SMC1A: variants seen among roughly 807,000 people sequenced by gnomAD.
The protein encoded by SMC1A is structural maintenance of chromosomes protein 1A.
A neutral mutation model predicts 94.5 loss-of-function variants in SMC1A; 4 were observed. The observed-to-expected ratio is 0.04, with a 90% CI of 0.02 to 0.10. The LOEUF is 0.10. Among genes scored for constraint, SMC1A ranks in the 10% least tolerant of loss-of-function variants. The probability of loss-of-function intolerance (pLI) is 1.00; values close to 1 mark genes in which losing one functional copy is unlikely to be tolerated. For missense variants in SMC1A, 304 were observed against 989.0 expected (o/e 0.31, Z 9.29); for synonymous variants, 345 against 347.7 (o/e 0.99, Z 0.09).
intron 3 of SMC1A, among the ~76,000 whole-genome samples, chrX:53,414,031 C>T (rs1204597629): frequency 5.2e-5 from 5 of 96,964 alleles, no homozygotes; most frequent in African/African-American, 1.6e-4. Flanking sequence ...GAGCCAAGGT[C>T]GTGCCACTGC....
chrX:53,414,720 C>T (rs41306759), intron 3 of SMC1A, 38 bp downstream of exon 3: 2 of 943,200 alleles, frequency 2.1e-6, no homozygotes, highest in Non-Finnish European at 3.1e-6. Context: ...CATGGTCTGG[C>T]AAAAACCAGA....
intron 3 of SMC1A, 118 bp from the exon 4 acceptor site, chrX:53,413,553 C>T: frequency 1.9e-5 from 12 of 636,288 alleles, no homozygotes; most frequent in Non-Finnish European, 3.0e-5. Flanking sequence ...CCCCTGCTGC[C>T]ACATTTCACA....
chrX:53,387,531 T>C (rs1257853407), intron 19 of SMC1A, among the ~76,000 whole-genome samples: 1 of 112,098 alleles, frequency 8.9e-6, no homozygotes, highest in African/African-American at 3.2e-5. Flanking sequence ...AATAGCCCAA[T>C]CTATTGAAAA....
At chrX:53,399,482 T>A in intron 16 of SMC1A, 107 bp downstream of exon 16, 1 of 784,357 alleles carries the variant, frequency 1.3e-6, no homozygotes, top group Non-Finnish European at 1.9e-6. Context: ...TCTTATTGAT[T>A]TAGATGAGAA....
intron 18 of SMC1A, 85 bp from the exon 19 acceptor site, chrX:53,394,973 T>C (rs1556887812): frequency 1.7e-6 from 1 of 573,472 alleles, no homozygotes; most frequent in East Asian, 3.3e-5. Context: ...CCTTCAATCT[T>C]TGAGAAAGCA....
intron 1 of SMC1A, among the ~76,000 whole-genome samples, chrX:53,418,355 G>A (rs1326585678): frequency 3.6e-5 from 4 of 111,350 alleles, no homozygotes; most frequent in Non-Finnish European, 7.5e-5. Flanking sequence ...GGCTGGTCTC[G>A]AATTCCTGAC....
intron 19 of SMC1A, among the ~76,000 whole-genome samples, chrX:53,389,852 T>C (rs1168085622): frequency 2.2e-5 from 2 of 89,195 alleles, no homozygotes; most frequent in African/African-American, 8.3e-5. Flanking sequence ...CTTTTTTTTT[T>C]TTTTTTTTTT....
chrX:53,400,154 C>G (rs191970731), intron 15 of SMC1A, among the ~76,000 whole-genome samples: 3 of 111,900 alleles, frequency 2.7e-5, no homozygotes, highest in Admixed American at 1.9e-4. Context: ...GCATTATTAT[C>G]CTAATTTTAC....
Position 53,394,769 on chromosome X carries a change from G to T in SMC1A, c.2973+9C>A. On this transcript the variant is annotated intron_variant, in intron 19 of 24. Coordinates refer to ENST00000322213, the MANE Select transcript of SMC1A (RefSeq NM_006306.4). ...CCACCCCCACCACACCCCTGTGGTT[G>T]ATCCTCACCTTCAGATCCTCACACA... 2 of 464,291 alleles carry T rather than the reference G, an allele frequency of 4.3e-6. No homozygotes were observed. Among genetic ancestry groups the T allele is most frequent in the Non-Finnish European group, 7.0e-6 (2 of 286,412 alleles). The allele number at this position is 464,291 out of a possible 1,213,427, so 38.3% of individuals were successfully genotyped here.
chrX:53,421,956 G>C, intron 1 of SMC1A: 3 of 1,210,051 alleles, frequency 2.5e-6, no homozygotes, highest in Non-Finnish European at 3.4e-6. Flanking sequence ...CTGGAGCGCT[G>C]GGTCTGAAAT....
chrX:53,383,035 C>A, intron 20 of SMC1A, 62 bp downstream of exon 20: 1 of 1,062,575 alleles, frequency 9.4e-7, no homozygotes, highest in Non-Finnish European at 1.3e-6. Context: ...GTATAGCAGG[C>A]CCGTGGCATA....
rs1556890219 is a variant in SMC1A at position 53,409,509 on chromosome X, A to G, written c.1255-6T>C. ...AGCTTTTGCTTGATCTTGGCCTGGGAAACAAACATTCCATCATCAGGGGCT... is the reference window on the plus strand; with the variant it reads ...AGCTTTTGCTTGATCTTGGCCTGGGGAACAAACATTCCATCATCAGGGGCT... On this transcript the variant is annotated splice_region_variant and splice_polypyrimidine_tract_variant and intron_variant, in intron 7 of 24. Coordinates refer to ENST00000322213, the MANE Select transcript of SMC1A (RefSeq NM_006306.4). 8.3e-7 allele frequency: 1 copy of G among 1,203,017 alleles called. No homozygotes were observed. Among genetic ancestry groups the G allele is most frequent in the Non-Finnish European group, 1.1e-6 (1 of 887,823 alleles).
At chrX:53,414,891 T>C in intron 2 of SMC1A, 21 bp from the exon 3 acceptor site, 1 of 1,190,499 alleles carries the variant, frequency 8.4e-7, no homozygotes, top group Non-Finnish European at 1.1e-6. Context: ...ATGCATGAGT[T>C]GGCAAGGGTC....
chrX:53,394,731 T>TCCCCCCCCCCCCCCCCCC, intron 19 of SMC1A, 47 bp downstream of exon 19: 1 of 416,226 alleles, frequency 2.4e-6, no homozygotes, highest in Non-Finnish European at 4.4e-6. Context: ...ATAGTCCCAC[T>TCCCCCCCCCCCCCCCCCC]CCCACCCAAC....
chrX:53,397,603 T>C (rs1234518162), intron 16 of SMC1A, among the ~76,000 whole-genome samples: 2 of 108,855 alleles, frequency 1.8e-5, no homozygotes, highest in Non-Finnish European at 3.8e-5. Flanking sequence ...AATAATCACA[T>C]AAAGGGGACA....
chrX:53,381,949 T>G, intron 22 of SMC1A: 1 of 402,570 alleles, frequency 2.5e-6, no homozygotes, highest in Non-Finnish European at 4.4e-6. Flanking sequence ...TAGATTTACA[T>G]GGAAAGGGAT....
At chrX:53,410,274 C>T (rs377357925) in intron 7 of SMC1A, among the ~76,000 whole-genome samples, 3 of 111,366 alleles carry the variant, frequency 2.7e-5, no homozygotes, top group East Asian at 2.8e-4. Flanking sequence ...GCAGGCTGAT[C>T]GCAGAGGCAG....
intron 6 of SMC1A, 37 bp from the exon 7 acceptor site, chrX:53,411,938 A>G (rs2075714672): frequency 8.3e-7 from 1 of 1,209,257 alleles, no homozygotes; most frequent in African/African-American, 1.8e-5. Flanking sequence ...AGGGATGACC[A>G]AGTCAGCAGA....
At chrX:53,388,761 GC>G (rs2075614971) in intron 19 of SMC1A, among the ~76,000 whole-genome samples, 1 of 109,381 alleles carries the variant, frequency 9.1e-6, no homozygotes. Flanking sequence ...ACTCTGGGAG[GC>G]CGAGGCGGGT....
Sources: gnomAD v4.1 joint callset for allele counts (sites outside exome capture counted in the v4.1 genomes callset) on GRCh38, gnomAD v4.1.1 for gene constraint, MANE v1.5 for transcripts, NCBI Gene and HGNC (gene_info 2026-07-23, HGNC 2026-07-21) for gene names.